Variants in NHEJ1 observed in about 807,000 individuals in gnomAD.
The protein encoded by NHEJ1 is non-homologous end joining factor 1.
A neutral mutation model predicts 39.4 loss-of-function variants in NHEJ1; 22 were observed. That is an observed-to-expected ratio of 0.56 (90% confidence interval 0.40 to 0.80). The LOEUF (loss-of-function observed/expected upper bound fraction) is 0.80. Ranked by LOEUF, NHEJ1 falls within the 30% of genes least tolerant of loss-of-function variation. The pLI, the probability that NHEJ1 is intolerant of heterozygous loss-of-function variation, is 0.00. For missense variants in NHEJ1, 329 were observed against 357.1 expected (o/e 0.92, Z 0.63); for synonymous variants, 154 against 135.6 (o/e 1.14, Z -0.94).
In NHEJ1 at chr2:219,159,590, T is replaced by TATATATGC. The variant is rs1559206421; in HGVS notation, c.-1+1129_-1+1130insGCATATAT. Among the ~76,000 whole-genome samples the TATATATGC allele has an allele frequency of 6.1e-3, 623 of 102,138 alleles. 25 individuals carry two copies. The highest frequency in any genetic ancestry group is 0.011 in the African/African-American group (272 of 24,556). 67.0% of individuals were successfully genotyped at this position (102,138 alleles called of 152,430 possible). The stretch of plus-strand genomic sequence containing the variant: ...ATATATATATGCATATATATATGCA[T>TATATATGC]ATATATATATGCATATATATACATA... On this transcript the variant is annotated intron_variant, in intron 1 of 7. Coordinates refer to ENST00000356853, the MANE Select transcript of NHEJ1 (RefSeq NM_024782.3).
intron 5 of NHEJ1, among the ~76,000 whole-genome samples, chr2:219,134,729 G>A (rs914569792): frequency 1.3e-5 from 2 of 151,924 alleles, no homozygotes; most frequent in Non-Finnish European, 1.5e-5. Context: ...TCACTTGTAC[G>A]TCCCATAATC....
At chr2:219,142,998 C>T (rs1391447116) in intron 5 of NHEJ1, among the ~76,000 whole-genome samples, 2 of 152,152 alleles carry the variant, frequency 1.3e-5, no homozygotes, top group African/African-American at 4.8e-5. Flanking sequence ...TTTTCCCGAG[C>T]CTTAGTATCC....
intron 1 of NHEJ1, among the ~76,000 whole-genome samples, chr2:219,159,542 T>TATGC (rs1949897343): frequency 8.7e-5 from 3 of 34,312 alleles, no homozygotes; most frequent in African/African-American, 1.5e-4. Flanking sequence ...TATATGCATA[T>TATGC]ATATATATGC....
chr2:219,102,202 G>A (rs1415699695), intron 5 of NHEJ1, among the ~76,000 whole-genome samples: 1 of 152,058 alleles, frequency 6.6e-6, no homozygotes, highest in African/African-American at 2.4e-5. Flanking sequence ...TAGATTAAAG[G>A]ATATATTTGA....
chr2:219,097,021 AT>A (rs1949215313), intron 5 of NHEJ1, among the ~76,000 whole-genome samples: 1 of 152,138 alleles, frequency 6.6e-6, no homozygotes, highest in African/African-American at 2.4e-5. Context: ...TGGCTTTACA[AT>A]GGTGTGAAAG....
rs146126934 is a variant in NHEJ1 at position 219,130,315 on chromosome 2, C to T, written c.588+16365G>A. Among the ~76,000 whole-genome samples, 566 of 152,202 alleles carry T rather than the reference C, an allele frequency of 3.7e-3. 2 individuals are homozygous for T. Among genetic ancestry groups the T allele is most frequent in the African/African-American group, 0.013 (525 of 41,514 alleles). On this transcript the variant is annotated intron_variant, in intron 5 of 7. Transcript: ENST00000356853. ...TGGTCATTTGATTCAGGCTTTGAGA[C>T]CTCAGAAGCAGTTTCAGGAGAGAGG...
intron 3 of NHEJ1, among the ~76,000 whole-genome samples, chr2:219,156,397 G>C (rs966160186): frequency 1.3e-5 from 2 of 152,232 alleles, no homozygotes; most frequent in East Asian, 1.9e-4. Context: ...CTTGTCTTCA[G>C]ATCCCTCTGC....
chr2:219,100,099 T>C (rs1949242978), intron 5 of NHEJ1, among the ~76,000 whole-genome samples: 1 of 152,170 alleles, frequency 6.6e-6, no homozygotes, highest in Non-Finnish European at 1.5e-5. Flanking sequence ...AGTAAGAATC[T>C]TCTGGGAACA....
chr2:219,079,121 T>G (rs1173333702), intron 5 of NHEJ1, among the ~76,000 whole-genome samples: 1 of 152,206 alleles, frequency 6.6e-6, no homozygotes, highest in East Asian at 1.9e-4. Flanking sequence ...TTGGCTGAAC[T>G]GCGTTGAGGT....
chr2:219,129,073 A>G (rs1949552178), intron 5 of NHEJ1, among the ~76,000 whole-genome samples: 4 of 152,264 alleles, frequency 2.6e-5, no homozygotes, highest in Admixed American at 2.6e-4. Context: ...CAAGAAGATC[A>G]TCATCTAACC....
intron 5 of NHEJ1, among the ~76,000 whole-genome samples, chr2:219,135,926 T>C (rs963359227): frequency 6.6e-6 from 1 of 152,194 alleles, no homozygotes; most frequent in Non-Finnish European, 1.5e-5. Flanking sequence ...TAACTTCCTT[T>C]GAGTAAAGTA....
At chr2:219,078,007 C>T in intron 6 of NHEJ1, 82 bp downstream of exon 6, 3 of 941,298 alleles carry the variant, frequency 3.2e-6, no homozygotes, top group Non-Finnish European at 3.5e-6. Context: ...TTATATGTGG[C>T]TAGAAAACTA....
intron 5 of NHEJ1, chr2:219,102,692 A>C (rs1574713111): frequency 6.6e-6 from 1 of 151,354 alleles, no homozygotes; most frequent in African/African-American, 2.4e-5. Context: ...TAGCTACTGC[A>C]CTCTAGCCTG....
intron 5 of NHEJ1, among the ~76,000 whole-genome samples, chr2:219,141,494 G>C (rs1473025716): frequency 6.6e-6 from 1 of 152,028 alleles, no homozygotes; most frequent in Non-Finnish European, 1.5e-5. Context: ...CAATAAATTA[G>C]GCTTTGAAAG....
chr2:219,075,247 CTA>C lies in NHEJ1; in HGVS notation c.*1132_*1133del, dbSNP rs762066193. 1.3e-5 allele frequency: 2 copies of C among 152,160 alleles called. No homozygotes were observed. The highest frequency in any genetic ancestry group is 2.9e-5 in the Non-Finnish European group (2 of 68,040). 9.4% of individuals were successfully genotyped at this position (152,160 alleles called of 1,614,324 possible). On this transcript the variant is annotated 3_prime_UTR_variant, in exon 8 of 8. Transcript: ENST00000356853. Reference sequence around the variant, plus strand: ...TTAACAGCATCTTCCTCATATGATGCTATGAGGATCAATGTCAAGTGCTCATT... The same window carrying C: ...TTAACAGCATCTTCCTCATATGATGCTGAGGATCAATGTCAAGTGCTCATT...
chr2:219,103,791 C>A (rs550457606), intron 5 of NHEJ1, among the ~76,000 whole-genome samples: 38 of 152,270 alleles, frequency 2.5e-4, no homozygotes, highest in Admixed American at 7.2e-4. Flanking sequence ...GTAAGTTTCT[C>A]AAAGTCACAC....
rs1949032279 is a variant in NHEJ1, at chr2:219,078,211, A to G, written c.589-5T>C. 4 of 1,608,872 alleles carry G rather than the reference A, an allele frequency of 2.5e-6. No individual in the cohort carries two copies. Among genetic ancestry groups the G allele is most frequent in the Non-Finnish European group, 2.6e-6 (3 of 1,175,144 alleles). On this transcript the variant is annotated splice_region_variant and splice_polypyrimidine_tract_variant and intron_variant, in intron 5 of 7. Coordinates refer to ENST00000356853, the MANE Select transcript of NHEJ1 (RefSeq NM_024782.3). Reference sequence around the variant, plus strand: ...GCTGCATGCCTCTGGCAGTTTCTGTAAGAGAGAGGAGATACTGTCATTGGT... The same window carrying G: ...GCTGCATGCCTCTGGCAGTTTCTGTGAGAGAGAGGAGATACTGTCATTGGT...
intron 5 of NHEJ1, among the ~76,000 whole-genome samples, chr2:219,091,408 G>A (rs1949158729): frequency 2.6e-5 from 4 of 151,988 alleles, no homozygotes; most frequent in East Asian, 1.9e-4. Context: ...AAGCATGGTC[G>A]GTATCGGGCA....
At chr2:219,135,057 A>T (rs1949613646) in intron 5 of NHEJ1, among the ~76,000 whole-genome samples, 1 of 151,782 alleles carries the variant, frequency 6.6e-6, no homozygotes, top group Non-Finnish European at 1.5e-5. Flanking sequence ...AAAAAAAAAA[A>T]AATTCAACAT....
Sources: gnomAD v4.1 joint callset for allele counts (sites outside exome capture counted in the v4.1 genomes callset) on GRCh38, gnomAD v4.1.1 for gene constraint, MANE v1.5 for transcripts, NCBI Gene and HGNC (gene_info 2026-07-23, HGNC 2026-07-21) for gene names.